TTC21B: variants seen among roughly 807,000 people sequenced by gnomAD.
TTC21B encodes tetratricopeptide repeat domain 21B, also known as tetratricopeptide repeat protein 21B.
A neutral mutation model predicts 175.1 loss-of-function variants in TTC21B; 127 were observed. That is an observed-to-expected ratio of 0.73 (90% CI 0.63 to 0.84). The LOEUF is 0.84. Ranked by LOEUF, TTC21B falls within the 40% of genes least tolerant of loss-of-function variation. The pLI is 0.00. For synonymous variants in TTC21B, 524 were observed against 524.5 expected, an observed-to-expected ratio of 1.00 and a Z score of 0.01; for missense variants, 1,561 against 1,558.3, an observed-to-expected ratio of 1.00 and a Z score of -0.03.
rs369089707 is a variant in TTC21B at position 165,934,500 on chromosome 2, C to CAA, written c.711-1445_711-1444dup. Among the ~76,000 whole-genome samples, 284 of 71,776 alleles carry CAA rather than the reference C, an allele frequency of 4.0e-3. 6 individuals carry two copies. Among genetic ancestry groups the CAA allele is most frequent in the African/African-American group, 0.016 (224 of 13,982 alleles). 47.1% of individuals were successfully genotyped at this position (71,776 alleles called of 152,430 possible). A position where few individuals can be genotyped will look rare whatever the true frequency, so the allele number is the denominator to read the frequency against. Reference sequence around the variant, plus strand: ...CTGGGCAACAAGCGAGACTCTGTCTCAAAAAAAAAAAAAAAAAAAAAGAAA... The same window carrying CAA: ...CTGGGCAACAAGCGAGACTCTGTCTCAAAAAAAAAAAAAAAAAAAAAAAGAAA... On this transcript the variant is annotated intron_variant, in intron 6 of 28. Coordinates refer to ENST00000243344, the MANE Select transcript of TTC21B (RefSeq NM_024753.5).
chr2:165,898,821 G>A (rs866217464), intron 21 of TTC21B, 54 bp from the exon 22 acceptor site: 1 of 1,088,148 alleles, frequency 9.2e-7, no homozygotes, highest in Non-Finnish European at 1.4e-6. Flanking sequence ...TACACAACAT[G>A]TTCTTCCAAT....
intron 6 of TTC21B, chr2:165,934,806 T>C (rs1002180548): frequency 5.9e-5 from 9 of 151,350 alleles, no homozygotes; most frequent in Non-Finnish European, 8.8e-5. Flanking sequence ...GATCATTCAA[T>C]AGACTACTAG....
chr2:165,903,722 G>A (rs1385943459), intron 19 of TTC21B, among the ~76,000 whole-genome samples: 1 of 152,176 alleles, frequency 6.6e-6, no homozygotes, highest in Admixed American at 6.5e-5. Context: ...TACCATTTCC[G>A]TCATTGCCAA....
intron 27 of TTC21B, chr2:165,879,643 A>C (rs1684778408): frequency 6.6e-6 from 1 of 152,196 alleles, no homozygotes; most frequent in African/African-American, 2.4e-5. Context: ...AAGCCAAATC[A>C]TATTTGAGAG....
intron 11 of TTC21B, among the ~76,000 whole-genome samples, chr2:165,928,553 T>C (rs1021199220): frequency 1.3e-5 from 2 of 152,068 alleles, no homozygotes; most frequent in Admixed American, 6.6e-5. Context: ...AAAACATAAA[T>C]GGCTGGAAAC....
intron 3 of TTC21B, among the ~76,000 whole-genome samples, chr2:165,946,365 A>G (rs1559076847): frequency 6.6e-6 from 1 of 152,032 alleles, no homozygotes; most frequent in Non-Finnish European, 1.5e-5. Context: ...GTTAAATTTT[A>G]TTTAAAAATA....
intron 11 of TTC21B, among the ~76,000 whole-genome samples, chr2:165,926,231 A>G (rs764918765): frequency 6.6e-6 from 1 of 152,188 alleles, no homozygotes; most frequent in African/African-American, 2.4e-5. Context: ...TAGAGGCCCA[A>G]CTACCACTTA....
At chr2:165,882,990 G>C (rs1484597208) in intron 26 of TTC21B, among the ~76,000 whole-genome samples, 1 of 151,978 alleles carries the variant, frequency 6.6e-6, no homozygotes, top group Non-Finnish European at 1.5e-5. Flanking sequence ...GATCTTTCAG[G>C]TTCTTAAGTT....
At chr2:165,931,707 A>G (rs750659021) in intron 8 of TTC21B, 51 bp downstream of exon 8, 2 of 1,453,538 alleles carry the variant, frequency 1.4e-6, no homozygotes, top group South Asian at 2.3e-5. Flanking sequence ...CACTTATTTT[A>G]TGTCCTCTAC....
chr2:165,931,468 A>G (rs537415531), intron 8 of TTC21B, among the ~76,000 whole-genome samples: 1 of 152,128 alleles, frequency 6.6e-6, no homozygotes, highest in Non-Finnish European at 1.5e-5. Context: ...AATCCTGGTC[A>G]TAAATCTTAT....
chr2:165,945,314 C>A (rs1404847998), intron 4 of TTC21B, among the ~76,000 whole-genome samples: 1 of 152,108 alleles, frequency 6.6e-6, no homozygotes, highest in East Asian at 1.9e-4. Context: ...TTTGAAGACT[C>A]AGTAGCATAA....
chr2:165,929,274 A>T lies in TTC21B; in HGVS notation c.1247T>A (p.Ile416Asn). Residue 416 changes from isoleucine (I) to asparagine (N), a missense_variant, in exon 11 of 29, where the codon ATT (isoleucine) becomes AAT (asparagine). Coordinates refer to ENST00000243344, the MANE Select transcript of TTC21B (RefSeq NM_024753.5). ...MKKNKRQEEVINLLNDVLDTH... is the reference protein window; with the variant it reads ...MKKNKRQEEVNNLLNDVLDTH... ...GTCCAGGACATCATTTAACAAATTA[A>T]TAACTTCTTCTTGTCGTTTATTTTT... The T allele has an allele frequency of 6.2e-7, 1 of 1,612,842 alleles. No homozygotes were observed. The highest frequency in any genetic ancestry group is 8.5e-7 in the Non-Finnish European group (1 of 1,179,256).
chr2:165,933,049 A>G lies in TTC21B; in HGVS notation c.719T>C (p.Leu240Pro). The change falls in exon 7 of 29, where the codon CTC becomes CCC. Residue 240 changes from leucine to proline, a missense_variant. Leu to Pro is a moderately conservative substitution (Grantham distance 98, BLOSUM62 -3). Coordinates refer to ENST00000243344, the MANE Select transcript of TTC21B (RefSeq NM_024753.5). Reference protein sequence around the residue: ...QTVETAQRLLLQDSQNVEALR... With the variant: ...QTVETAQRLLPQDSQNVEALR... ...TGCTTCCACATTTTGGCTATCTTGG[A>G]GCAGCAACCTGCAGGAAAACAATTT... 6.2e-7 allele frequency: 1 copy of G among 1,612,420 alleles called. No individual in the cohort carries two copies. The highest frequency in any genetic ancestry group is 8.5e-7 in the Non-Finnish European group (1 of 1,179,248).
At chr2:165,907,500 ATAG>A (rs1423686412) in intron 19 of TTC21B, among the ~76,000 whole-genome samples, 175 bp downstream of exon 19, 1 of 152,212 alleles carries the variant, frequency 6.6e-6, no homozygotes, top group Non-Finnish European at 1.5e-5. Context: ...AATTGTTATA[ATAG>A]TAGTAATAGT....
At chr2:165,908,312 T>C (rs191416386) in intron 18 of TTC21B, among the ~76,000 whole-genome samples, 84 of 152,260 alleles carry the variant, frequency 5.5e-4, no homozygotes, top group Non-Finnish European at 8.4e-4. Flanking sequence ...TTCCCTCTCA[T>C]CTGTAAAATA....
At chr2:165,880,572 T>A in intron 27 of TTC21B, 107 bp downstream of exon 27, 12 of 1,185,608 alleles carry the variant, frequency 1.0e-5, no homozygotes, top group Non-Finnish European at 1.5e-5. Context: ...CAATGAAAAT[T>A]GACTCAATGT....
intron 6 of TTC21B, among the ~76,000 whole-genome samples, chr2:165,940,298 G>T (rs1687319360): frequency 6.6e-6 from 1 of 152,074 alleles, no homozygotes; most frequent in Non-Finnish European, 1.5e-5. Flanking sequence ...TTTGCACATG[G>T]CAGAGTGATT....
chr2:165,900,008 C>CAAAAA (rs200057550), intron 20 of TTC21B, 128 bp from the exon 21 acceptor site: 5 of 140,932 alleles, frequency 3.5e-5, no homozygotes, highest in Admixed American at 1.6e-4. Flanking sequence ...GTATAATAGA[C>CAAAAA]AAAAAAAAAA....
chr2:165,899,678 AT>A, intron 21 of TTC21B, 91 bp downstream of exon 21: 9 of 804,972 alleles, frequency 1.1e-5, no homozygotes, highest in Non-Finnish European at 2.0e-5. Flanking sequence ...AACGTGAGCC[AT>A]GCCTCATCAT....
Sources: allele counts gnomAD v4.1 joint callset (sites outside exome capture counted in the v4.1 genomes callset), GRCh38; gene constraint gnomAD v4.1.1; transcripts MANE v1.5; gene names NCBI Gene and HGNC (gene_info 2026-07-23, HGNC 2026-07-21).